The following PTPRO variants were observed in gnomAD, a reference collection of about 807,000 sequenced individuals.
PTPRO encodes the protein receptor-type tyrosine-protein phosphatase O.
Under a neutral mutation model 145.2 loss-of-function variants are expected in PTPRO, and 62 were observed. The observed-to-expected ratio is 0.43, with a 90% CI of 0.35 to 0.53. PTPRO has a LOEUF of 0.53. Ranked by LOEUF, PTPRO falls within the 20% of genes least tolerant of loss-of-function variation. PTPRO has a pLI of 0.01. For missense variants in PTPRO, 1,345 were observed against 1,482.7 expected, an observed-to-expected ratio of 0.91 and a Z score of 1.53; for synonymous variants, 565 against 514.7, an observed-to-expected ratio of 1.10 and a Z score of -1.32.
chr12:15,439,671 G>T (rs1940702131), intron 1 of PTPRO: 1 of 434,284 alleles, frequency 2.3e-6, no homozygotes, highest in Non-Finnish European at 4.5e-6. Flanking sequence ...TGAGGCCACG[G>T]AGCTCACTGA....
chr12:15,585,058 C>T (rs1263236536), intron 23 of PTPRO, among the ~76,000 whole-genome samples: 1 of 152,200 alleles, frequency 6.6e-6, no homozygotes, highest in Non-Finnish European at 1.5e-5. Flanking sequence ...ACCCCAGTTC[C>T]AGGACCCCTG....
At chr12:15,577,782 C>T (rs1429130480) in intron 19 of PTPRO, among the ~76,000 whole-genome samples, 1 of 152,190 alleles carries the variant, frequency 6.6e-6, no homozygotes, top group Non-Finnish European at 1.5e-5. Flanking sequence ...ACTAGATCCA[C>T]TGCATTGGTT....
At chr12:15,565,555 T>C (rs1943876130) in intron 17 of PTPRO, 38 bp from the exon 18 acceptor site, 1 of 1,322,368 alleles carries the variant, frequency 7.6e-7, no homozygotes, top group Non-Finnish European at 1.1e-6. Context: ...TCAATTCTTC[T>C]GCCCAGATAA....
intron 1 of PTPRO, among the ~76,000 whole-genome samples, chr12:15,476,016 A>G (rs1941645211): frequency 6.6e-6 from 1 of 152,226 alleles, no homozygotes; most frequent in Non-Finnish European, 1.5e-5. Flanking sequence ...AAGATAGAAG[A>G]GAAGAAAAGA....
chr12:15,426,897 A>G (rs555237544), intron 1 of PTPRO, among the ~76,000 whole-genome samples: 1 of 152,020 alleles, frequency 6.6e-6, no homozygotes, highest in Non-Finnish European at 1.5e-5. Context: ...TTGACTGTTA[A>G]TATATTATTA....
intron 1 of PTPRO, among the ~76,000 whole-genome samples, chr12:15,471,143 C>G (rs1024698384): frequency 7.9e-5 from 12 of 152,084 alleles, no homozygotes; most frequent in Non-Finnish European, 1.8e-4. Context: ...TATTGGGAAG[C>G]TGAGGTGGGC....
intron 1 of PTPRO, among the ~76,000 whole-genome samples, chr12:15,414,302 G>A (rs1448455350): frequency 2.0e-5 from 3 of 152,116 alleles, no homozygotes; most frequent in African/African-American, 7.2e-5. Flanking sequence ...CAAGTTTCTG[G>A]GTGATACTAA....
At chr12:15,418,458 TA>T (rs1940044528) in intron 1 of PTPRO, among the ~76,000 whole-genome samples, 1 of 151,792 alleles carries the variant, frequency 6.6e-6, no homozygotes, top group Non-Finnish European at 1.5e-5. Context: ...CTTGGATTTC[TA>T]AAGCTCCTGA....
intron 12 of PTPRO, among the ~76,000 whole-genome samples, chr12:15,527,310 A>G (rs1383591106): frequency 6.6e-6 from 1 of 152,184 alleles, no homozygotes; most frequent in East Asian, 1.9e-4. Context: ...TCTTCTGCCA[A>G]CTCATGTTTC....
intron 1 of PTPRO, among the ~76,000 whole-genome samples, chr12:15,396,225 G>C (rs1353959051): frequency 1.3e-5 from 2 of 152,114 alleles, no homozygotes; most frequent in Non-Finnish European, 2.9e-5. Flanking sequence ...CGTAGGTTCA[G>C]GTATAAATGA....
intron 1 of PTPRO, among the ~76,000 whole-genome samples, chr12:15,362,493 T>C (rs962681190): frequency 6.6e-6 from 1 of 152,226 alleles, no homozygotes; most frequent in Non-Finnish European, 1.5e-5. Flanking sequence ...TTGTTTTGTA[T>C]TGGATTTACT....
intron 23 of PTPRO, among the ~76,000 whole-genome samples, chr12:15,582,471 G>A (rs1404883025): frequency 6.6e-6 from 1 of 152,222 alleles, no homozygotes; most frequent in African/African-American, 2.4e-5. Context: ...CAGTGATGGT[G>A]TGGATGATAT....
chr12:15,516,775 T>G lies in PTPRO; in HGVS notation c.1598T>G (p.Ile533Arg), dbSNP rs779338113. ...CTCTTCTTTCTAGTTCCCACAGGAATAAAGGATTTAATGCTCTATCCTTTG... is the reference window on the plus strand; with the variant it reads ...CTCTTCTTTCTAGTTCCCACAGGAAGAAAGGATTTAATGCTCTATCCTTTG... ...PVTFAIVPTG[I>R]KDLMLYPLGP... The change falls in exon 9 of 27, where the codon ATA becomes AGA. Residue 533 changes from isoleucine to arginine, a missense_variant. Physicochemically the swap from Ile to Arg is moderately conservative, Grantham distance 97. Around this residue, in one of 3 missense-constraint regions of PTPRO, gnomAD observed 1,130 missense variants for 1,214.7 expected, o/e 0.93. Coordinates refer to ENST00000281171, the MANE Select transcript of PTPRO (RefSeq NM_030667.3). 6.2e-7 allele frequency: 1 copy of G among 1,607,468 alleles called. No individual in the cohort carries two copies. The highest frequency in any genetic ancestry group is 1.1e-5 in the South Asian group (1 of 90,954).
intron 17 of PTPRO, 122 bp downstream of exon 17, chr12:15,560,398 T>G: frequency 1.3e-6 from 1 of 754,166 alleles, no homozygotes; most frequent in Non-Finnish European, 2.3e-6. Flanking sequence ...AAGTTATTAA[T>G]CATGTATTGA....
At chr12:15,382,316 G>A (rs1309942335) in intron 1 of PTPRO, among the ~76,000 whole-genome samples, 2 of 152,204 alleles carry the variant, frequency 1.3e-5, no homozygotes, top group South Asian at 2.1e-4. Context: ...ATAAACAGAA[G>A]GATTGATCTG....
intron 1 of PTPRO, among the ~76,000 whole-genome samples, chr12:15,376,429 A>C (rs1240309994): frequency 6.6e-6 from 1 of 152,192 alleles, no homozygotes; most frequent in Non-Finnish European, 1.5e-5. Flanking sequence ...GTTACTAGCA[A>C]ATCTTCCCTG....
chr12:15,581,838 G>C (rs1472993429), intron 23 of PTPRO, 37 bp downstream of exon 23: 1 of 1,612,386 alleles, frequency 6.2e-7, no homozygotes, highest in Non-Finnish European at 8.5e-7. Context: ...CTGTCCCTAT[G>C]CTGACACCTG....
At chr12:15,406,397 A>G (rs757169083) in intron 1 of PTPRO, among the ~76,000 whole-genome samples, 45 of 152,344 alleles carry the variant, frequency 3.0e-4, no homozygotes, top group Non-Finnish European at 5.6e-4. Flanking sequence ...CAGCCAAATC[A>G]ATCATGATCC....
At chr12:15,378,660 C>T (rs929126429) in intron 1 of PTPRO, among the ~76,000 whole-genome samples, 1 of 152,056 alleles carries the variant, frequency 6.6e-6, no homozygotes, top group Non-Finnish European at 1.5e-5. Flanking sequence ...ACACACACTT[C>T]TGAAAAATAG....
Sources: allele counts gnomAD v4.1 joint callset (sites outside exome capture counted in the v4.1 genomes callset), GRCh38; gene constraint gnomAD v4.1.1; regional missense constraint gnomAD v4.1.1; transcripts MANE v1.5; gene names NCBI Gene and HGNC (gene_info 2026-07-23, HGNC 2026-07-21).